Variants in TRIM44 observed in about 807,000 individuals in gnomAD.
TRIM44 encodes tripartite motif-containing protein 44.
Under a neutral mutation model 37.4 loss-of-function variants are expected in TRIM44, and 13 were observed. The ratio of observed to expected loss-of-function variants is 0.35; its 90% CI spans 0.23 to 0.55. TRIM44 has a LOEUF of 0.55. TRIM44 is among the 20% of genes least tolerant of loss of function. TRIM44 has a pLI of 0.89. For synonymous variants in TRIM44, 175 were observed against 157.2 expected, an observed-to-expected ratio of 1.11 and a Z score of -0.85; for missense variants, 426 against 437.2, an observed-to-expected ratio of 0.97 and a Z score of 0.23.
Position 35,685,243 on chromosome 11 carries a change from CT to C in TRIM44, c.670-12del, listed in dbSNP as rs1851560922. ...CAAAATGCTGTCTAGTGACCCCTCA[CT>C]TTTCTTTCTTCTAGAGCAAAGACTC... On this transcript the variant is annotated splice_polypyrimidine_tract_variant and intron_variant, in intron 1 of 4. Coordinates refer to ENST00000299413, the MANE Select transcript of TRIM44 (RefSeq NM_017583.6). The C allele has an allele frequency of 6.2e-7, 1 of 1,612,594 alleles. No homozygotes were observed. The highest frequency in any genetic ancestry group is 1.7e-5 in the Admixed American group (1 of 59,888).
intron 1 of TRIM44, among the ~76,000 whole-genome samples, chr11:35,672,708 G>C (rs1465660372): frequency 6.6e-6 from 1 of 152,170 alleles, no homozygotes; most frequent in Non-Finnish European, 1.5e-5. Context: ...ATATTCCATA[G>C]TGGTCAGTGA....
rs542064608 is a variant in TRIM44, at chr11:35,713,583, G to A, written c.748-12341G>A. Among the ~76,000 whole-genome samples, 4 of 150,468 alleles carry A rather than the reference G, an allele frequency of 2.7e-5. No homozygotes were observed. The South Asian group carries it at 8.4e-4, about 32-fold the overall frequency. ...CATATATTTCAGTTTTATCTATAAA[G>A]GAGGACTAATCATACTATATTTTTA... is the stretch of plus-strand genomic sequence containing the variant. On this transcript the variant is annotated intron_variant, in intron 2 of 4. Coordinates refer to ENST00000299413, the MANE Select transcript of TRIM44 (RefSeq NM_017583.6).
At chr11:35,710,337 A>G (rs1304736118) in intron 2 of TRIM44, among the ~76,000 whole-genome samples, 6 of 152,216 alleles carry the variant, frequency 3.9e-5, no homozygotes, top group Non-Finnish European at 8.8e-5. Flanking sequence ...ATCCTGTTCC[A>G]TTGTTGAACC....
chr11:35,729,570 A>G lies in TRIM44; in HGVS notation c.987+3407A>G, dbSNP rs144338757. Reference sequence around the variant, plus strand: ...CAGCTGAGTCAGTTATTGGAATTTTATCATTCACTCCTGCCCTGTAGTAAT... The same window carrying G: ...CAGCTGAGTCAGTTATTGGAATTTTGTCATTCACTCCTGCCCTGTAGTAAT... On this transcript the variant is annotated intron_variant, in intron 3 of 4. Transcript: ENST00000299413. Among the ~76,000 whole-genome samples the G allele has an allele frequency of 1.4e-3, 209 of 152,220 alleles. 2 individuals are homozygous for G. The highest frequency in any genetic ancestry group is 4.7e-3 in the African/African-American group (196 of 41,532).
At chr11:35,733,053 G>C (rs1338828813) in intron 3 of TRIM44, among the ~76,000 whole-genome samples, 1 of 152,108 alleles carries the variant, frequency 6.6e-6, no homozygotes, top group Non-Finnish European at 1.5e-5. Context: ...ACTATTTGTT[G>C]AACGATTACA....
intron 4 of TRIM44, among the ~76,000 whole-genome samples, chr11:35,753,078 G>C (rs1852578675): frequency 1.3e-5 from 2 of 152,186 alleles, no homozygotes; most frequent in South Asian, 4.1e-4. Context: ...GTTTGGAATA[G>C]GAAAGTCTTA....
intron 4 of TRIM44, among the ~76,000 whole-genome samples, chr11:35,740,565 G>T (rs993946512): frequency 6.6e-6 from 1 of 152,150 alleles, no homozygotes; most frequent in Non-Finnish European, 1.5e-5. Context: ...CTCCTGCTGA[G>T]ATCACTGTGA....
intron 4 of TRIM44, among the ~76,000 whole-genome samples, chr11:35,749,539 G>A (rs1852535896): frequency 6.6e-6 from 1 of 152,132 alleles, no homozygotes; most frequent in South Asian, 2.1e-4. Context: ...ACAAAAATTA[G>A]CCAGGCATGG....
At chr11:35,801,492 T>A (rs1288188625) in intron 4 of TRIM44, among the ~76,000 whole-genome samples, 1 of 152,206 alleles carries the variant, frequency 6.6e-6, no homozygotes, top group Non-Finnish European at 1.5e-5. Context: ...GCTACCTGAT[T>A]TATTAACTTC....
chr11:35,802,765 G>T lies in TRIM44; in HGVS notation c.1008-3593G>T, dbSNP rs12224152. ...TTCTTGAGACCTGCCACCTAGAAGG[G>T]TCAGAGTGATACTCAGCCTTTCTAG... On this transcript the variant is annotated intron_variant, in intron 4 of 4. Transcript: ENST00000299413. Among the ~76,000 whole-genome samples the T allele has an allele frequency of 0.014, 2,103 of 152,230 alleles. 117 individuals carry two copies. The East Asian group carries it at 0.14, about 10-fold the overall frequency.
At chr11:35,689,841 A>G (rs1426991021) in intron 2 of TRIM44, among the ~76,000 whole-genome samples, 1 of 152,218 alleles carries the variant, frequency 6.6e-6, no homozygotes, top group Non-Finnish European at 1.5e-5. Context: ...CAAAAGTACA[A>G]CATGCTAAGC....
At chr11:35,802,673 G>A (rs777178530) in intron 4 of TRIM44, among the ~76,000 whole-genome samples, 8 of 152,120 alleles carry the variant, frequency 5.3e-5, no homozygotes, top group African/African-American at 9.7e-5. Flanking sequence ...ATCAGTGACC[G>A]AGCTAAGGCC....
chr11:35,815,694 C>A lies in TRIM44; in HGVS notation c.*9309C>A, dbSNP rs1307523582. On this transcript the variant is annotated 3_prime_UTR_variant, in exon 5 of 5. Transcript: ENST00000299413. ...AACAAGCTTTCCTGTTAATCTCTTT[C>A]TCTTACCTCTATTATGAGGACAAGA... 2 of 152,182 alleles carry A rather than the reference C, an allele frequency of 1.3e-5. No individual in the cohort carries two copies. The highest frequency in any genetic ancestry group is 1.3e-4 in the Admixed American group (2 of 15,278). The allele number at this position is 152,182 out of a possible 1,614,324, so 9.4% of individuals were successfully genotyped here. A position where few individuals can be genotyped will look rare whatever the true frequency, so the allele number is the denominator to read the frequency against.
At chr11:35,692,389 A>G (rs1368324168) in intron 2 of TRIM44, among the ~76,000 whole-genome samples, 1 of 152,212 alleles carries the variant, frequency 6.6e-6, no homozygotes, top group Non-Finnish European at 1.5e-5. Flanking sequence ...TTTGTGCATA[A>G]AATGGTATTA....
intron 4 of TRIM44, among the ~76,000 whole-genome samples, chr11:35,773,759 A>G (rs1314786452): frequency 6.6e-6 from 1 of 152,128 alleles, no homozygotes; most frequent in African/African-American, 2.4e-5. Flanking sequence ...GCTCAGAATG[A>G]TGGTTTCCAG....
At chr11:35,804,830 T>C (rs1853427620) in intron 4 of TRIM44, among the ~76,000 whole-genome samples, 1 of 152,180 alleles carries the variant, frequency 6.6e-6, no homozygotes, top group Non-Finnish European at 1.5e-5. Flanking sequence ...ATTGAGTTGG[T>C]TCTTTTGGCT....
intron 4 of TRIM44, among the ~76,000 whole-genome samples, chr11:35,758,750 C>T (rs1013714748): frequency 1.3e-5 from 2 of 152,122 alleles, no homozygotes; most frequent in African/African-American, 4.8e-5. Flanking sequence ...ATTTCTCCTT[C>T]ACTTATGAAG....
intron 4 of TRIM44, among the ~76,000 whole-genome samples, chr11:35,752,583 A>G (rs1420037670): frequency 3.3e-5 from 5 of 151,220 alleles, no homozygotes; most frequent in Non-Finnish European, 7.4e-5. Context: ...TTTGCTCCTT[A>G]CTCACAGTCT....
chr11:35,710,341 T>C (rs1248372835), intron 2 of TRIM44, among the ~76,000 whole-genome samples: 1 of 152,238 alleles, frequency 6.6e-6, no homozygotes, highest in African/African-American at 2.4e-5. Context: ...TGTTCCATTG[T>C]TGAACCTCAA....
Sources: allele counts gnomAD v4.1 joint callset (sites outside exome capture counted in the v4.1 genomes callset), GRCh38; gene constraint gnomAD v4.1.1; transcripts MANE v1.5; gene names NCBI Gene and HGNC (gene_info 2026-07-23, HGNC 2026-07-21).